The following ERICH1 variants were observed in gnomAD, a reference collection of about 807,000 sequenced individuals.
ERICH1 encodes glutamate-rich protein 1.
A neutral mutation model predicts 39.6 loss-of-function variants in ERICH1; 56 were observed. That is an observed-to-expected ratio of 1.41 (90% CI 1.14 to 1.77). The LOEUF is 1.77. Ranked by LOEUF, ERICH1 falls within the 40% of genes most tolerant of loss-of-function variation. The pLI is 0.00. For synonymous variants in ERICH1, 313 were observed against 223.6 expected, an observed-to-expected ratio of 1.40 and a Z score of -3.57; for missense variants, 826 against 575.4, an observed-to-expected ratio of 1.44 and a Z score of -4.45.
chr8:712,362 T>C (rs1335574515), intron 2 of ERICH1, among the ~76,000 whole-genome samples: 1 of 124,520 alleles, frequency 8.0e-6, no homozygotes, highest in Non-Finnish European at 1.8e-5. Context: ...GTTGTACACA[T>C]TTGTTAGATC....
At chr8:700,165 G>A (rs1167481848) in intron 2 of ERICH1, among the ~76,000 whole-genome samples, 2 of 62,582 alleles carry the variant, frequency 3.2e-5, no homozygotes, top group Non-Finnish European at 6.5e-5. Flanking sequence ...CCGCACACGC[G>A]CACAGGCCCG....
At chr8:639,107 C>G (rs897728248) in intron 3 of ERICH1, among the ~76,000 whole-genome samples, 5 of 152,134 alleles carry the variant, frequency 3.3e-5, no homozygotes, top group East Asian at 1.9e-4. Flanking sequence ...AGCGTGGCCA[C>G]CTGGCACTGG....
At position 629,007 on chromosome 8, in the gene ERICH1, T is replaced by G. The variant is rs375434152; in HGVS notation, c.977-13723A>C. 7.9e-5 allele frequency among the ~76,000 whole-genome samples: 12 copies of G among 152,154 alleles called. No individual in the cohort carries two copies. The South Asian group carries it at 2.3e-3, about 29-fold the overall frequency. On this transcript the variant is annotated intron_variant, in intron 3 of 3. Coordinates refer to the ERICH1 transcript ENST00000522706. ...AGCTGGCTTGAATCCATCAGCATCC[T>G]TTGTTCAGAAGGGCTCTCGGGGCCA...
intron 3 of ERICH1, among the ~76,000 whole-genome samples, chr8:652,111 C>T (rs1054165174): frequency 2.0e-5 from 3 of 152,206 alleles, no homozygotes; most frequent in Non-Finnish European, 2.9e-5. Flanking sequence ...TCTGCACTCA[C>T]CTCTTCAGAC....
chr8:688,016 C>G (rs1446846286), intron 3 of ERICH1, among the ~76,000 whole-genome samples: 3 of 152,118 alleles, frequency 2.0e-5, no homozygotes, highest in Admixed American at 2.0e-4. Flanking sequence ...AGCCCCAGCT[C>G]CCGCCGAGGC....
At chr8:688,836 A>T (rs1267669356) in intron 3 of ERICH1, among the ~76,000 whole-genome samples, 1 of 152,246 alleles carries the variant, frequency 6.6e-6, no homozygotes, top group Non-Finnish European at 1.5e-5. Flanking sequence ...ATCCAACAAG[A>T]AGTACACGAG....
intron 3 of ERICH1, among the ~76,000 whole-genome samples, chr8:679,898 A>G (rs62487390): frequency 0.36 from 17,941 of 49,204 alleles, 1,998 homozygotes; most frequent in East Asian, 0.54. Context: ...AACACAGAAG[A>G]TGCAAGAGAA....
intron 3 of ERICH1, among the ~76,000 whole-genome samples, chr8:638,776 C>T (rs1443553126): frequency 6.6e-6 from 1 of 152,094 alleles, no homozygotes; most frequent in African/African-American, 2.4e-5. Flanking sequence ...CCTTTCGTTG[C>T]GTCAGCATTG....
intron 3 of ERICH1, among the ~76,000 whole-genome samples, chr8:651,970 A>C (rs528685240): frequency 6.6e-6 from 1 of 152,320 alleles, no homozygotes; most frequent in South Asian, 2.1e-4. Flanking sequence ...TAGAAGATCA[A>C]CTATTTTGCA....
In ERICH1 at chr8:673,578, C is replaced by G. The variant is rs759587568; in HGVS notation, c.774G>C (p.Pro258=). The G allele has an allele frequency of 1.3e-6, 2 of 1,551,020 alleles. No individual in the cohort carries two copies. Among genetic ancestry groups the G allele is most frequent in the Admixed American group, 1.8e-5 (1 of 56,922 alleles). The part of the protein sequence containing the change: ...EEGADASEED[P]TPAGEEDVKD... ...TAACGTCTTCCTCCCCGGCCGGTGT[C>G]GGATCTTCCTCACTGGCGTCCGCAC... The change falls in exon 4 of 6, where the codon CCG becomes CCC. Residue 258 remains proline, a synonymous_variant. Transcript: ENST00000262109.
intron 2 of ERICH1, among the ~76,000 whole-genome samples, chr8:705,505 C>G (rs559020284): frequency 1.3e-5 from 2 of 152,254 alleles, no homozygotes; most frequent in East Asian, 1.9e-4. Flanking sequence ...AATCAATAAA[C>G]TGGGCATAGA....
intron 3 of ERICH1, among the ~76,000 whole-genome samples, chr8:682,847 T>C (rs1806440538): frequency 6.6e-6 from 1 of 152,206 alleles, no homozygotes; most frequent in Admixed American, 6.5e-5. Flanking sequence ...GAATATGAAC[T>C]TTATTCTAGA....
At chr8:649,440 C>T (rs1799652411) in intron 3 of ERICH1, among the ~76,000 whole-genome samples, 1 of 152,228 alleles carries the variant, frequency 6.6e-6, no homozygotes, top group Non-Finnish European at 1.5e-5. Context: ...TGCTTTTATT[C>T]TATGCTGTCC....
chr8:728,462 G>T (rs569380449), intron 1 of ERICH1, among the ~76,000 whole-genome samples: 2 of 152,150 alleles, frequency 1.3e-5, no homozygotes, highest in Non-Finnish European at 2.9e-5. Context: ...CTTCCTCGAG[G>T]AGCACGCAGT....
At chr8:628,183 T>G (rs1797709215) in intron 3 of ERICH1, among the ~76,000 whole-genome samples, 1 of 152,168 alleles carries the variant, frequency 6.6e-6, no homozygotes, top group South Asian at 2.1e-4. Flanking sequence ...AAGTGCTGTG[T>G]GTGGAAATTA....
At chr8:634,627 A>G (rs749328027) in intron 3 of ERICH1, among the ~76,000 whole-genome samples, 1 of 152,138 alleles carries the variant, frequency 6.6e-6, no homozygotes, top group Non-Finnish European at 1.5e-5. Flanking sequence ...CTGTGTGCGC[A>G]GAAGGACAGC....
At chr8:679,660 G>A (rs1177249959) in intron 3 of ERICH1, among the ~76,000 whole-genome samples, 1 of 152,220 alleles carries the variant, frequency 6.6e-6, no homozygotes, top group Non-Finnish European at 1.5e-5. Flanking sequence ...AATCTAAATC[G>A]GATACCGGAT....
rs764651967 is a variant in ERICH1, at chr8:684,495, G to A, written c.304+7983C>T. Among the ~76,000 whole-genome samples, 12 of 152,206 alleles carry A rather than the reference G, an allele frequency of 7.9e-5. No homozygotes were observed. The East Asian group carries it at 9.7e-4, about 12-fold the overall frequency. On this transcript the variant is annotated intron_variant, in intron 3 of 5. Coordinates refer to ENST00000262109, the MANE Select transcript of ERICH1 (RefSeq NM_207332.3). ...AAATATTCTTCATTGACTTGGACTC[G>A]TGACTTTTTGAGTTGAAAACTTAAC... is the stretch of plus-strand genomic sequence containing the variant.
At chr8:674,524 A>G (rs1804220673) in intron 3 of ERICH1, among the ~76,000 whole-genome samples, 1 of 152,024 alleles carries the variant, frequency 6.6e-6, no homozygotes, top group African/African-American at 2.4e-5. Context: ...GGGTTGTCTC[A>G]AACTCCTGGT....
Sources: allele counts gnomAD v4.1 joint callset (sites outside exome capture counted in the v4.1 genomes callset), GRCh38; gene constraint gnomAD v4.1.1; transcripts MANE v1.5; gene names NCBI Gene and HGNC (gene_info 2026-07-23, HGNC 2026-07-21).